COL23A1: variants seen among roughly 807,000 people sequenced by gnomAD.
COL23A1 encodes the protein collagen type XXIII alpha 1 chain, also known as collagen alpha-1(XXIII) chain.
A neutral mutation model predicts 99.3 loss-of-function variants in COL23A1; 97 were observed. The ratio of observed to expected loss-of-function variants is 0.98; its 90% CI spans 0.83 to 1.16. COL23A1 has a LOEUF of 1.16. COL23A1 is among the 50% of genes most tolerant of loss of function. The pLI, the probability that COL23A1 is intolerant of heterozygous loss-of-function variation, is 0.00. For synonymous variants in COL23A1, 320 were observed against 308.2 expected, an observed-to-expected ratio of 1.04 and a Z score of -0.40; for missense variants, 762 against 757.4, an observed-to-expected ratio of 1.01 and a Z score of -0.07.
intron 2 of COL23A1, among the ~76,000 whole-genome samples, chr5:178,547,251 C>T (rs1485887763): frequency 6.6e-6 from 1 of 152,022 alleles, no homozygotes; most frequent in Admixed American, 6.5e-5. Context: ...ATCATCAGCC[C>T]CTGGGGCACA....
At chr5:178,399,617 T>C (rs1561937320) in intron 2 of COL23A1, among the ~76,000 whole-genome samples, 2 of 152,142 alleles carry the variant, frequency 1.3e-5, no homozygotes, top group Non-Finnish European at 2.9e-5. Flanking sequence ...ACATGGGCTG[T>C]TTACCCAGTT....
rs116283716 is a variant in COL23A1, at chr5:178,348,286, C to T, written c.362-41367G>A. Reference sequence around the variant, plus strand: ...TCGGGGCGACTCTGGGCTATGATCACCTGCTTTCTTCTCATTATTTTGCTG... The same window carrying T: ...TCGGGGCGACTCTGGGCTATGATCATCTGCTTTCTTCTCATTATTTTGCTG... On this transcript the variant is annotated intron_variant, in intron 2 of 28. Transcript: ENST00000390654. 2.7e-3 allele frequency among the ~76,000 whole-genome samples: 416 copies of T among 152,324 alleles called. 4 individuals are homozygous for T. The highest frequency in any genetic ancestry group is 9.3e-3 in the African/African-American group (388 of 41,578).
At chr5:178,348,044 T>A (rs1561884397) in intron 2 of COL23A1, among the ~76,000 whole-genome samples, 1 of 152,026 alleles carries the variant, frequency 6.6e-6, no homozygotes, top group Admixed American at 6.6e-5. Context: ...GATTCATGCC[T>A]CCCAGCCCCA....
chr5:178,294,428 CAGCTCCCTCCCCAAATCACTACCG>C lies in COL23A1; in HGVS notation c.407-4083_407-4060del, dbSNP rs1757632996. ...CCGAGCTCCCTCCCAAATCACTACC[CAGCTCCCTCCCCAAATCACTACCG>C]AGCTCCCTCCCCAAATCACTACCGA... On this transcript the variant is annotated intron_variant, in intron 3 of 28. Transcript: ENST00000390654. Among the ~76,000 whole-genome samples the C allele has an allele frequency of 7.6e-4, 6 of 7,928 alleles. 1 individual carries two copies. In the South Asian group the frequency reaches 0.014, roughly 18 times the overall value. The allele number at this position is 7,928 out of a possible 152,430, so 5.2% of individuals were successfully genotyped here. A position where few individuals can be genotyped will look rare whatever the true frequency, so the allele number is the denominator to read the frequency against.
chr5:178,478,658 G>A (rs1757160687), intron 2 of COL23A1, among the ~76,000 whole-genome samples: 1 of 152,152 alleles, frequency 6.6e-6, no homozygotes, highest in Non-Finnish European at 1.5e-5. Flanking sequence ...GAGAGTGTCT[G>A]GAGAAATCAA....
intron 2 of COL23A1, among the ~76,000 whole-genome samples, chr5:178,346,730 C>T (rs1460409116): frequency 1.3e-5 from 2 of 152,160 alleles, no homozygotes; most frequent in Admixed American, 6.5e-5. Context: ...TCCTTCCCCC[C>T]GAAAAGATCA....
chr5:178,311,426 C>G (rs1326510686), intron 2 of COL23A1, among the ~76,000 whole-genome samples: 1 of 152,040 alleles, frequency 6.6e-6, no homozygotes, highest in Non-Finnish European at 1.5e-5. Flanking sequence ...AAATAACTGG[C>G]TGCAGGGGCC....
intron 2 of COL23A1, among the ~76,000 whole-genome samples, chr5:178,515,535 G>A (rs1459468204): frequency 1.3e-5 from 2 of 152,126 alleles, no homozygotes; most frequent in East Asian, 3.9e-4. Context: ...GGCTCCTCAG[G>A]CCTCCGACCT....
At chr5:178,285,755 C>T (rs899209979) in intron 5 of COL23A1, among the ~76,000 whole-genome samples, 8 of 152,228 alleles carry the variant, frequency 5.3e-5, no homozygotes, top group African/African-American at 1.9e-4. Context: ...CCCTTCAGCA[C>T]GAGGCAGTCA....
chr5:178,586,793 C>G (rs1266942575), intron 1 of COL23A1, among the ~76,000 whole-genome samples: 1 of 152,168 alleles, frequency 6.6e-6, no homozygotes, highest in Non-Finnish European at 1.5e-5. Flanking sequence ...TTAATTAAAA[C>G]TGACAGCAGA....
intron 2 of COL23A1, among the ~76,000 whole-genome samples, chr5:178,518,468 G>C (rs1179834205): frequency 4.0e-5 from 6 of 150,254 alleles, no homozygotes; most frequent in African/African-American, 1.2e-4. Flanking sequence ...TCCCAGTAGG[G>C]GCGGCCGGGC....
chr5:178,273,030 C>T (rs773895414), intron 5 of COL23A1, among the ~76,000 whole-genome samples: 2 of 152,248 alleles, frequency 1.3e-5, no homozygotes, highest in Non-Finnish European at 2.9e-5. Context: ...CCTGGGTCTC[C>T]ATCCTGTCTG....
At chr5:178,275,574 C>G (rs2127570361) in intron 5 of COL23A1, among the ~76,000 whole-genome samples, 1 of 152,336 alleles carries the variant, frequency 6.6e-6, no homozygotes, top group South Asian at 2.1e-4. Flanking sequence ...TCAGCATCAT[C>G]ATGAGGTCAG....
intron 2 of COL23A1, among the ~76,000 whole-genome samples, chr5:178,325,539 G>A (rs997076325): frequency 2.0e-5 from 3 of 151,542 alleles, no homozygotes; most frequent in African/African-American, 4.9e-5. Context: ...TACCCAGCTA[G>A]GACATGGACT....
rs536775095 is a variant in COL23A1 at position 178,515,550 on chromosome 5, G to A, written c.361+45132C>T. ...GGCTCCTCAGGCCTCCGACCTACCTGCCCATCCTGGTGCACTCAGCACCCC... is the reference window on the plus strand; with the variant it reads ...GGCTCCTCAGGCCTCCGACCTACCTACCCATCCTGGTGCACTCAGCACCCC... On this transcript the variant is annotated intron_variant, in intron 2 of 28. Coordinates refer to ENST00000390654, the MANE Select transcript of COL23A1 (RefSeq NM_173465.4). 1.2e-4 allele frequency among the ~76,000 whole-genome samples: 18 copies of A among 152,200 alleles called. No individual in the cohort carries two copies. In the South Asian group the frequency reaches 2.3e-3, roughly 19 times the overall value.
intron 2 of COL23A1, among the ~76,000 whole-genome samples, chr5:178,406,770 C>G (rs1432089987): frequency 6.6e-6 from 1 of 152,122 alleles, no homozygotes; most frequent in Admixed American, 6.5e-5. Context: ...TATTGGGATT[C>G]ACGTGGAGAA....
At position 178,366,202 on chromosome 5, in the gene COL23A1, GT is replaced by G. The variant is rs1044177190; in HGVS notation, c.362-59284del. Among the ~76,000 whole-genome samples, 3 of 152,220 alleles carry G rather than the reference GT, an allele frequency of 2.0e-5. No individual in the cohort carries two copies. Among genetic ancestry groups the G allele is most frequent in the Non-Finnish European group, 4.4e-5 (3 of 68,044 alleles). ...CACCTCTTCCTCCCCGGAGCCCAGG[GT>G]TCACTCTGCAACTCTGCTGGCTGAA... On this transcript the variant is annotated intron_variant, in intron 2 of 28. Transcript: ENST00000390654. This position sits in a 1 kb window ranked among gnomAD's most constrained non-coding sequence, Gnocchi z 4.4.
chr5:178,454,805 T>C (rs145608829), intron 2 of COL23A1, among the ~76,000 whole-genome samples: 12 of 152,348 alleles, frequency 7.9e-5, no homozygotes, highest in African/African-American at 2.9e-4. Context: ...GTGTATTAGT[T>C]TCCCGTGGCT....
intron 2 of COL23A1, among the ~76,000 whole-genome samples, chr5:178,385,521 C>A (rs971287570): frequency 6.6e-6 from 1 of 152,228 alleles, no homozygotes; most frequent in African/African-American, 2.4e-5. Context: ...CCTGGCCGGT[C>A]TCCTCCAGGA....
Sources: gnomAD v4.1 joint callset for allele counts (sites outside exome capture counted in the v4.1 genomes callset) on GRCh38, gnomAD v4.1.1 for gene constraint, Gnocchi (gnomAD v3.1) non-coding constraint, MANE v1.5 for transcripts, NCBI Gene and HGNC (gene_info 2026-07-23, HGNC 2026-07-21) for gene names.